SSBP2: variants seen among roughly 807,000 people sequenced by gnomAD.
The protein encoded by SSBP2 is single-stranded DNA-binding protein 2.
In SSBP2, 17 loss-of-function variants were observed where a neutral mutation model predicts 61.8. The ratio of observed to expected loss-of-function variants is 0.28; its 90% CI spans 0.19 to 0.41. The LOEUF is 0.41. Among genes scored for constraint, SSBP2 ranks in the 10% least tolerant of loss-of-function variants. SSBP2 has a pLI of 1.00. For synonymous variants in SSBP2, 139 were observed against 141.3 expected (o/e 0.98, Z 0.12); for missense variants, 310 against 458.7 (o/e 0.68, Z 2.96).
intron 10 of SSBP2, among the ~76,000 whole-genome samples, chr5:81,453,519 T>G (rs1477125227): frequency 6.9e-6 from 1 of 145,738 alleles, no homozygotes; most frequent in Non-Finnish European, 1.5e-5. Context: ...TGCAGGGGCG[T>G]GATCTCGGCT....
chr5:81,457,665 ATTTT>A, intron 10 of SSBP2, among the ~76,000 whole-genome samples: 1 of 146,832 alleles, frequency 6.8e-6, no homozygotes, highest in South Asian at 2.2e-4. Context: ...AAAACACAAA[ATTTT>A]TTTTTTTTTG....
intron 5 of SSBP2, among the ~76,000 whole-genome samples, chr5:81,512,405 A>G (rs1768682991): frequency 6.6e-6 from 1 of 152,202 alleles, no homozygotes; most frequent in African/African-American, 2.4e-5. Flanking sequence ...AGCATTTAGA[A>G]TGAAGCATGG....
At chr5:81,745,033 A>G (rs191130175) in intron 1 of SSBP2, among the ~76,000 whole-genome samples, 2 of 152,264 alleles carry the variant, frequency 1.3e-5, no homozygotes, top group East Asian at 3.9e-4. Context: ...TCCATTTTTC[A>G]AAAATTCTTA....
At chr5:81,560,344 C>T (rs779199818) in intron 4 of SSBP2, among the ~76,000 whole-genome samples, 4 of 151,996 alleles carry the variant, frequency 2.6e-5, no homozygotes, top group Non-Finnish European at 5.9e-5. Context: ...TAGATAGGAA[C>T]AGTCCTGTGG....
chr5:81,612,820 C>A (rs1745585466), intron 4 of SSBP2, among the ~76,000 whole-genome samples: 2 of 151,876 alleles, frequency 1.3e-5, no homozygotes, highest in African/African-American at 4.8e-5. Context: ...AGAAGTAATT[C>A]TGTAATAAAC....
intron 2 of SSBP2, among the ~76,000 whole-genome samples, chr5:81,639,624 CA>C (rs879913101): frequency 0.017 from 2,261 of 134,562 alleles, 54 homozygotes; most frequent in African/African-American, 0.055. Context: ...AGAAAGATCT[CA>C]AAAAAAAAAA....
chr5:81,658,590 A>G (rs1402853063), intron 1 of SSBP2, among the ~76,000 whole-genome samples: 2 of 152,052 alleles, frequency 1.3e-5, no homozygotes, highest in East Asian at 1.9e-4. Context: ...TTTTTTCCAA[A>G]TATTTTTTAT....
At chr5:81,546,642 C>T (rs1561526292) in intron 4 of SSBP2, among the ~76,000 whole-genome samples, 1 of 152,016 alleles carries the variant, frequency 6.6e-6, no homozygotes, top group Admixed American at 6.6e-5. Flanking sequence ...GATAAAACTA[C>T]TAGTCTGCTT....
chr5:81,665,436 G>C (rs1427767214), intron 1 of SSBP2, among the ~76,000 whole-genome samples: 1 of 152,128 alleles, frequency 6.6e-6, no homozygotes, highest in Non-Finnish European at 1.5e-5. Context: ...TCAGTCACTA[G>C]AGAAGCCTCA....
At chr5:81,730,766 A>T (rs1756210831) in intron 1 of SSBP2, among the ~76,000 whole-genome samples, 1 of 152,234 alleles carries the variant, frequency 6.6e-6, no homozygotes, top group Non-Finnish European at 1.5e-5. Flanking sequence ...AGCTCAGTCC[A>T]AACTAAAGTA....
At chr5:81,704,036 A>C (rs1307801638) in intron 1 of SSBP2, among the ~76,000 whole-genome samples, 1 of 152,220 alleles carries the variant, frequency 6.6e-6, no homozygotes, top group African/African-American at 2.4e-5. Flanking sequence ...AAATTGGCCA[A>C]GCTGAGCCAC....
chr5:81,521,620 A>G (rs1769490921), intron 4 of SSBP2, among the ~76,000 whole-genome samples: 1 of 151,964 alleles, frequency 6.6e-6, no homozygotes, highest in Admixed American at 6.6e-5. Flanking sequence ...TTTATCTTCT[A>G]AAGATTTGAA....
At chr5:81,561,054 T>C (rs1773007101) in intron 4 of SSBP2, among the ~76,000 whole-genome samples, 1 of 152,166 alleles carries the variant, frequency 6.6e-6, no homozygotes, top group African/African-American at 2.4e-5. Context: ...GTACCAGAAA[T>C]CTTTCTCTAC....
intron 4 of SSBP2, among the ~76,000 whole-genome samples, chr5:81,574,152 A>G (rs959908820): frequency 1.3e-5 from 2 of 152,162 alleles, no homozygotes; most frequent in African/African-American, 4.8e-5. Flanking sequence ...AAAAAAAACA[A>G]AACAAAACAA....
At chr5:81,682,609 A>G (rs1341054199) in intron 1 of SSBP2, among the ~76,000 whole-genome samples, 1 of 152,190 alleles carries the variant, frequency 6.6e-6, no homozygotes, top group African/African-American at 2.4e-5. Context: ...AAGGTCATAA[A>G]AATGTCAAGG....
intron 4 of SSBP2, among the ~76,000 whole-genome samples, chr5:81,583,934 C>T (rs1774877050): frequency 6.6e-6 from 1 of 152,168 alleles, no homozygotes; most frequent in African/African-American, 2.4e-5. Context: ...TTAAATATAA[C>T]AGTGCTATTA....
intron 4 of SSBP2, among the ~76,000 whole-genome samples, chr5:81,613,575 T>C (rs956806732): frequency 5.9e-5 from 9 of 152,228 alleles, no homozygotes; most frequent in African/African-American, 2.2e-4. Context: ...AGGGTACATC[T>C]TTCTACAGAA....
chr5:81,707,795 C>T (rs558231457), intron 1 of SSBP2, among the ~76,000 whole-genome samples: 1 of 152,244 alleles, frequency 6.6e-6, no homozygotes, highest in South Asian at 2.1e-4. Context: ...TCCTCAGTTT[C>T]CTTAACCATA....
At chr5:81,596,808 C>A (rs867225554) in intron 4 of SSBP2, among the ~76,000 whole-genome samples, 1,433 of 139,726 alleles carry the variant, frequency 0.01, 22 homozygotes, top group African/African-American at 0.038. Flanking sequence ...GAAACTGGAT[C>A]CCTTCCTTAC....
Sources: gnomAD v4.1 joint callset for allele counts (sites outside exome capture counted in the v4.1 genomes callset) on GRCh38, gnomAD v4.1.1 for gene constraint, MANE v1.5 for transcripts, NCBI Gene and HGNC (gene_info 2026-07-23, HGNC 2026-07-21) for gene names.